KCNJ15: variants seen among roughly 807,000 people sequenced by gnomAD.
The protein encoded by KCNJ15 is ATP-sensitive inward rectifier potassium channel 15.
A neutral mutation model predicts 23.0 loss-of-function variants in KCNJ15; 14 were observed. That is an observed-to-expected ratio of 0.61 (90% CI 0.40 to 0.95). The LOEUF (loss-of-function observed/expected upper bound fraction) is 0.95, where lower values mean the gene tolerates loss of function less well. Among genes scored for constraint, KCNJ15 ranks in the 40% least tolerant of loss-of-function variants. KCNJ15 has a pLI of 0.00. For missense variants in KCNJ15, 388 were observed against 461.8 expected (o/e 0.84, Z 1.46); for synonymous variants, 185 against 183.2 (o/e 1.01, Z -0.08).
At chr21:38,231,655 T>G (rs1420897707) in intron 1 of KCNJ15, among the ~76,000 whole-genome samples, 2 of 34,322 alleles carry the variant, frequency 5.8e-5, no homozygotes, top group South Asian at 2.0e-3. Context: ...TATTGAATAG[T>G]TTTTTTTTTA....
intron 1 of KCNJ15, among the ~76,000 whole-genome samples, chr21:38,244,071 G>A (rs1209238900): frequency 1.3e-5 from 2 of 152,042 alleles, no homozygotes; most frequent in African/African-American, 2.4e-5. Flanking sequence ...GATTATATAA[G>A]GCTTGACCCA....
At chr21:38,262,273 T>C (rs1323936279) in intron 1 of KCNJ15, among the ~76,000 whole-genome samples, 1 of 152,180 alleles carries the variant, frequency 6.6e-6, no homozygotes, top group Non-Finnish European at 1.5e-5. Flanking sequence ...GTAAAGAAAA[T>C]ATAATGAATC....
intron 1 of KCNJ15, among the ~76,000 whole-genome samples, chr21:38,287,553 G>A (rs1392544900): frequency 6.6e-6 from 1 of 152,160 alleles, no homozygotes; most frequent in African/African-American, 2.4e-5. Flanking sequence ...TTTAGTATAA[G>A]CATATAGCAA....
intron 1 of KCNJ15, among the ~76,000 whole-genome samples, chr21:38,233,180 G>A (rs1978384512): frequency 6.6e-6 from 1 of 151,778 alleles, no homozygotes; most frequent in Non-Finnish European, 1.5e-5. Flanking sequence ...TCATAGATTG[G>A]CCCTTTTATC....
chr21:38,278,934 G>T (rs1024887187), intron 1 of KCNJ15, among the ~76,000 whole-genome samples: 1 of 152,198 alleles, frequency 6.6e-6, no homozygotes, highest in Non-Finnish European at 1.5e-5. Flanking sequence ...CACCACTGAG[G>T]AGGGACTATG....
At chr21:38,235,114 A>T (rs183066669) in intron 1 of KCNJ15, among the ~76,000 whole-genome samples, 30 of 152,358 alleles carry the variant, frequency 2.0e-4, no homozygotes, top group African/African-American at 7.0e-4. Flanking sequence ...GAGTAGCTAT[A>T]ATCACTCTTT....
intron 1 of KCNJ15, among the ~76,000 whole-genome samples, chr21:38,290,475 A>G (rs1212272995): frequency 6.6e-6 from 1 of 152,208 alleles, no homozygotes; most frequent in Non-Finnish European, 1.5e-5. Context: ...TGCAATGCAA[A>G]TGTGGATTGG....
chr21:38,247,963 C>G (rs981450317), intron 1 of KCNJ15, among the ~76,000 whole-genome samples: 2 of 152,246 alleles, frequency 1.3e-5, no homozygotes, highest in African/African-American at 2.4e-5. Flanking sequence ...AAAATTCCAT[C>G]TCTAGGACTC....
intron 1 of KCNJ15, among the ~76,000 whole-genome samples, chr21:38,266,500 G>A (rs909734393): frequency 1.3e-5 from 2 of 152,172 alleles, no homozygotes; most frequent in Non-Finnish European, 2.9e-5. Flanking sequence ...GTATTCCATG[G>A]TGTATATGTG....
At chr21:38,275,519 CAAAAAAAAA>C (rs10709944) in intron 1 of KCNJ15, among the ~76,000 whole-genome samples, 2 of 88,120 alleles carry the variant, frequency 2.3e-5, no homozygotes, top group South Asian at 4.2e-4. Flanking sequence ...GAAACTCCGT[CAAAAAAAAA>C]AAAAAAAAAA....
upstream of KCNJ15, among the ~76,000 whole-genome samples, chr21:38,254,387 C>T (rs1980046025): frequency 6.6e-6 from 1 of 152,142 alleles, no homozygotes; most frequent in African/African-American, 2.4e-5. Flanking sequence ...GTAAACATCA[C>T]CAAAATGAAG....
Position 38,300,386 on chromosome 21 carries a change from C to A in KCNJ15, c.1125C>A (p.Val375=). ...CACTTTTATTACAACAGAGCAATGT[C>A]TGATCACAGGGGCGCCATCCAGGTT... is the stretch of plus-strand genomic sequence containing the variant. ...LRTLLLQQSN[V] Residue 375 remains valine (V), a synonymous_variant, in exon 3 of 3, where the codon GTC becomes GTA. Transcript: ENST00000398938. 6.2e-7 allele frequency: 1 copy of A among 1,600,034 alleles called. No individual in the cohort carries two copies. The highest frequency in any genetic ancestry group is 8.5e-7 in the Non-Finnish European group (1 of 1,171,012).
At chr21:38,260,955 C>T (rs1464741690) in intron 1 of KCNJ15, among the ~76,000 whole-genome samples, 1 of 152,216 alleles carries the variant, frequency 6.6e-6, no homozygotes, top group Non-Finnish European at 1.5e-5. Flanking sequence ...GTAGGCCACT[C>T]ATTCCCTCAT....
chr21:38,286,303 G>A (rs1983899435), intron 1 of KCNJ15, among the ~76,000 whole-genome samples: 1 of 152,132 alleles, frequency 6.6e-6, no homozygotes, highest in Non-Finnish European at 1.5e-5. Flanking sequence ...CTACTTCCGA[G>A]AAGTGCTACA....
chr21:38,270,221 A>G (rs559035124), intron 1 of KCNJ15, among the ~76,000 whole-genome samples: 8 of 151,986 alleles, frequency 5.3e-5, no homozygotes, highest in Non-Finnish European at 1.2e-4. Flanking sequence ...CTTTGCTACT[A>G]AGGACTAATC....
chr21:38,288,060 A>G (rs1260722323), intron 1 of KCNJ15, among the ~76,000 whole-genome samples: 1 of 3,498 alleles, frequency 2.9e-4, no homozygotes, highest in Non-Finnish European at 1.3e-3. Context: ...TTTTTTTTTG[A>G]GATGGAGTCT....
At chr21:38,280,660 T>C (rs933894755) in intron 1 of KCNJ15, among the ~76,000 whole-genome samples, 4 of 152,156 alleles carry the variant, frequency 2.6e-5, no homozygotes, top group Non-Finnish European at 4.4e-5. Flanking sequence ...TTAAACAAAA[T>C]TGCTGACTAC....
rs1380283189 is a variant in KCNJ15, at chr21:38,257,094, C to A, written c.-208C>A. On this transcript the variant is annotated 5_prime_UTR_variant, in exon 1 of 3. Transcript: ENST00000398938. ...ATTTTGAGGAACCCTAAACACCTAT[C>A]TTTCCCAAGGCAACCTGTCTGGACT... 1 of 152,198 alleles carries A rather than the reference C, an allele frequency of 6.6e-6. No individual in the cohort carries two copies. The highest frequency in any genetic ancestry group is 1.5e-5 in the Non-Finnish European group (1 of 68,056). 9.4% of individuals were successfully genotyped at this position (152,198 alleles called of 1,614,324 possible).
chr21:38,233,564 T>G (rs1978410618), intron 1 of KCNJ15, among the ~76,000 whole-genome samples: 2 of 152,148 alleles, frequency 1.3e-5, no homozygotes, highest in Non-Finnish European at 2.9e-5. Context: ...ATATTTTAAT[T>G]TTTAGTGATT....
Sources: gnomAD v4.1 joint callset for allele counts (sites outside exome capture counted in the v4.1 genomes callset) on GRCh38, gnomAD v4.1.1 for gene constraint, MANE v1.5 for transcripts, NCBI Gene and HGNC (gene_info 2026-07-23, HGNC 2026-07-21) for gene names.